Variants in RTN1 observed in about 807,000 individuals in gnomAD.
RTN1 encodes the protein reticulon-1.
Under a neutral mutation model 65.5 loss-of-function variants are expected in RTN1, and 25 were observed. The observed-to-expected ratio is 0.38, with a 90% CI of 0.28 to 0.53. The LOEUF (loss-of-function observed/expected upper bound fraction) is 0.53. Ranked by LOEUF, RTN1 falls within the 20% of genes least tolerant of loss-of-function variation. RTN1 has a pLI of 0.79. For synonymous variants in RTN1, 471 were observed against 447.6 expected (o/e 1.05, Z -0.66); for missense variants, 983 against 1,025.4 (o/e 0.96, Z 0.57).
At chr14:59,799,835 T>C (rs1209736143) in intron 1 of RTN1, among the ~76,000 whole-genome samples, 1 of 152,134 alleles carries the variant, frequency 6.6e-6, no homozygotes, top group Middle Eastern at 3.2e-3. Flanking sequence ...GAGGATTCCG[T>C]ACTTTTCAAG....
At chr14:59,667,735 T>C (rs1354465741) in intron 3 of RTN1, among the ~76,000 whole-genome samples, 1 of 152,170 alleles carries the variant, frequency 6.6e-6, no homozygotes, top group African/African-American at 2.4e-5. Flanking sequence ...CAAAATCTCC[T>C]TAAGTTGATA....
At chr14:59,750,758 G>A (rs1446122483) in intron 1 of RTN1, among the ~76,000 whole-genome samples, 6 of 114,346 alleles carry the variant, frequency 5.2e-5, no homozygotes, top group Non-Finnish European at 8.5e-5. Flanking sequence ...TGTCACCCAG[G>A]CTGGAGTGCA....
At chr14:59,808,789 C>G (rs1195782981) in intron 1 of RTN1, among the ~76,000 whole-genome samples, 1 of 152,036 alleles carries the variant, frequency 6.6e-6, no homozygotes, top group African/African-American at 2.4e-5. Flanking sequence ...GCAACCTGGT[C>G]ATTTAAAAGT....
chr14:59,704,334 T>C (rs1453273404), intron 3 of RTN1, among the ~76,000 whole-genome samples: 1 of 152,178 alleles, frequency 6.6e-6, no homozygotes, highest in Non-Finnish European at 1.5e-5. Flanking sequence ...TATGCAACAT[T>C]GCTCAGAAAT....
intron 1 of RTN1, among the ~76,000 whole-genome samples, chr14:59,760,845 G>A (rs1037061397): frequency 2.0e-5 from 3 of 152,128 alleles, no homozygotes; most frequent in East Asian, 3.9e-4. Flanking sequence ...CAGACTCATC[G>A]TGCTAGTTCC....
intron 3 of RTN1, among the ~76,000 whole-genome samples, chr14:59,649,878 G>A (rs1050760520): frequency 9.2e-5 from 14 of 152,192 alleles, no homozygotes; most frequent in Non-Finnish European, 1.6e-4. Context: ...AATACCATTA[G>A]ATCCAGCAAT....
chr14:59,679,892 TG>T (rs1359505470), intron 3 of RTN1, among the ~76,000 whole-genome samples: 3 of 152,140 alleles, frequency 2.0e-5, no homozygotes, highest in African/African-American at 4.8e-5. Context: ...TCTAACAGGT[TG>T]GGGGTTGGGG....
intron 1 of RTN1, among the ~76,000 whole-genome samples, chr14:59,854,005 T>C (rs905593944): frequency 2.0e-5 from 3 of 151,538 alleles, no homozygotes; most frequent in Non-Finnish European, 4.4e-5. Context: ...GCTGGGACTA[T>C]AGGCATGAGC....
At chr14:59,722,336 G>C (rs536156173) in intron 3 of RTN1, among the ~76,000 whole-genome samples, 2 of 152,218 alleles carry the variant, frequency 1.3e-5, no homozygotes, top group Admixed American at 6.5e-5. Flanking sequence ...CAAAGCAAGA[G>C]ATTTGAGAAG....
chr14:59,735,423 A>G (rs1055529808), intron 2 of RTN1, among the ~76,000 whole-genome samples: 6 of 152,222 alleles, frequency 3.9e-5, no homozygotes, highest in African/African-American at 1.2e-4. Flanking sequence ...AAATGCCCCA[A>G]TTAAAAGACA....
At chr14:59,621,515 A>G (rs1594636840) in intron 3 of RTN1, among the ~76,000 whole-genome samples, 1 of 152,220 alleles carries the variant, frequency 6.6e-6, no homozygotes. Context: ...CACAGCTATG[A>G]GCACACACAC....
intron 3 of RTN1, among the ~76,000 whole-genome samples, chr14:59,622,295 C>T (rs966970255): frequency 2.6e-5 from 4 of 152,180 alleles, no homozygotes; most frequent in Non-Finnish European, 5.9e-5. Context: ...GAGCCAAGAT[C>T]GAGCCGCTGC....
chr14:59,733,610 T>A (rs944897823), intron 2 of RTN1, among the ~76,000 whole-genome samples: 28 of 152,104 alleles, frequency 1.8e-4, no homozygotes, highest in African/African-American at 6.5e-4. Flanking sequence ...AGGTGGTTCC[T>A]CACCACAACA....
At chr14:59,720,857 G>A (rs1047414469) in intron 3 of RTN1, among the ~76,000 whole-genome samples, 1 of 152,020 alleles carries the variant, frequency 6.6e-6, no homozygotes, top group Non-Finnish European at 1.5e-5. Context: ...AGCTGACAAA[G>A]AACAGCAGCT....
chr14:59,822,576 G>A (rs918259992), intron 1 of RTN1, among the ~76,000 whole-genome samples: 1 of 152,070 alleles, frequency 6.6e-6, no homozygotes, highest in Non-Finnish European at 1.5e-5. Context: ...TGCTCATGTT[G>A]TTCTAGTTCC....
rs543349195 is a variant in RTN1, at chr14:59,683,885, T to C, written c.1765+43034A>G. Among the ~76,000 whole-genome samples the C allele has an allele frequency of 3.7e-4, 56 of 152,250 alleles. No individual in the cohort carries two copies. In the South Asian group the frequency reaches 0.011, roughly 30 times the overall value. On this transcript the variant is annotated intron_variant, in intron 3 of 8. Transcript: ENST00000267484. Reference sequence around the variant, plus strand: ...TTGCCAACGCCAGCTCTCTTCACTATGAAGAGTACTCTGGTGTTTTGAGAG... The same window carrying C: ...TTGCCAACGCCAGCTCTCTTCACTACGAAGAGTACTCTGGTGTTTTGAGAG...
intron 1 of RTN1, among the ~76,000 whole-genome samples, chr14:59,759,596 T>C (rs920505502): frequency 6.6e-6 from 1 of 151,920 alleles, no homozygotes; most frequent in East Asian, 1.9e-4. Flanking sequence ...CATCTATTAG[T>C]GAAAACAGAC....
chr14:59,727,673 C>T lies in RTN1; in HGVS notation c.1016-5G>A, dbSNP rs770169403. ...GGGATTCTGCAGCAGATGGTTCTGT[C>T]GTCCCACAGAGCGAAGGAGAGCCAC... On this transcript the variant is annotated splice_polypyrimidine_tract_variant and splice_region_variant and intron_variant, in intron 2 of 8. Transcript: ENST00000267484. This position sits in a 1 kb window ranked among gnomAD's most constrained non-coding sequence, Gnocchi z 4.2. 9 of 1,591,690 alleles carry T rather than the reference C, an allele frequency of 5.7e-6. No individual in the cohort carries two copies. The highest frequency in any genetic ancestry group is 1.7e-4 in the Middle Eastern group (1 of 5,900).
intron 3 of RTN1, among the ~76,000 whole-genome samples, chr14:59,621,624 G>C (rs914128286): frequency 6.6e-6 from 1 of 152,160 alleles, no homozygotes; most frequent in African/African-American, 2.4e-5. Context: ...CTTATTTCTA[G>C]AATCCAATCA....
Sources: gnomAD v4.1 joint callset for allele counts (sites outside exome capture counted in the v4.1 genomes callset) on GRCh38, gnomAD v4.1.1 for gene constraint, Gnocchi (gnomAD v3.1) non-coding constraint, MANE v1.5 for transcripts, NCBI Gene and HGNC (gene_info 2026-07-23, HGNC 2026-07-21) for gene names.